The following TENM1 variants were observed in gnomAD, a reference collection of about 807,000 sequenced individuals.
TENM1 encodes the protein teneurin transmembrane protein 1.
Under a neutral mutation model 174.8 loss-of-function variants are expected in TENM1, and 35 were observed. That is an observed-to-expected ratio of 0.20 (90% confidence interval 0.15 to 0.27). The LOEUF (loss-of-function observed/expected upper bound fraction) is 0.27, where lower values mean the gene tolerates loss of function less well. Ranked by LOEUF, TENM1 falls within the 10% of genes least tolerant of loss-of-function variation. TENM1 has a pLI of 1.00. For synonymous variants in TENM1, 781 were observed against 798.7 expected (o/e 0.98, Z 0.37); for missense variants, 1,633 against 2,130.1 (o/e 0.77, Z 4.59).
chrX:125,019,567 T>C, the TENM1 span, among the ~76,000 whole-genome samples: 1 of 111,240 alleles, frequency 9.0e-6, no homozygotes, highest in Non-Finnish European at 1.9e-5. Flanking sequence ...GTTGTGGATA[T>C]TAATTATTAT....
chrX:124,969,742 G>C, the TENM1 span, among the ~76,000 whole-genome samples: 37,055 of 108,789 alleles, frequency 0.34, 4,635 homozygotes, highest in Admixed American at 0.44. Flanking sequence ...CCAATGGCCC[G>C]ACTCTTAACC....
At chrX:125,164,597 G>C in the TENM1 span, among the ~76,000 whole-genome samples, 1 of 112,064 alleles carries the variant, frequency 8.9e-6, no homozygotes, top group Non-Finnish European at 1.9e-5. Flanking sequence ...GCACCTGGCA[G>C]AGCACCTAGC....
At chrX:124,696,374 T>C (rs185996504) in intron 5 of TENM1, among the ~76,000 whole-genome samples, 1 of 112,039 alleles carries the variant, frequency 8.9e-6, no homozygotes, top group East Asian at 2.8e-4. Context: ...CAAAAACCAG[T>C]GAACTATTTG....
chrX:125,177,475 A>G, the TENM1 span, among the ~76,000 whole-genome samples: 11 of 112,560 alleles, frequency 9.8e-5, no homozygotes, highest in African/African-American at 3.5e-4. Flanking sequence ...ATGGGATTAT[A>G]TTGTCCCTTT....
the TENM1 span, among the ~76,000 whole-genome samples, chrX:125,191,965 A>G: frequency 9.2e-6 from 1 of 109,126 alleles, no homozygotes; most frequent in African/African-American, 3.3e-5. Context: ...TGGCCCTTTC[A>G]ACTTCCACCA....
chrX:125,138,080 A>T, the TENM1 span, among the ~76,000 whole-genome samples: 1 of 110,809 alleles, frequency 9.0e-6, no homozygotes, highest in Admixed American at 9.7e-5. Flanking sequence ...CCTCCCCTAT[A>T]GGTCTTCTCA....
the TENM1 span, among the ~76,000 whole-genome samples, chrX:125,068,501 CA>C: frequency 9.0e-6 from 1 of 111,638 alleles, no homozygotes; most frequent in Non-Finnish European, 1.9e-5. Context: ...GATATTTATA[CA>C]TTAATTTTTC....
chrX:124,442,076 AT>A lies in TENM1; in HGVS notation c.4104+11260del, dbSNP rs1269568536. On this transcript the variant is annotated intron_variant, in intron 23 of 31. Coordinates refer to ENST00000422452, the Ensembl canonical transcript of TENM1. The stretch of plus-strand genomic sequence containing the variant: ...ATGTGTTTTCAAATATTTCAGATAT[AT>A]AGCTTTCATCGTCCCTGTCTTGCTG... Among the ~76,000 whole-genome samples the A allele has an allele frequency of 3.1e-4, 35 of 112,016 alleles. 2 individuals carry two copies. The highest frequency in any genetic ancestry group is 2.6e-3 in the Admixed American group (27 of 10,583).
At chrX:124,828,759 C>T (rs2056224082) in intron 3 of TENM1, among the ~76,000 whole-genome samples, 1 of 111,551 alleles carries the variant, frequency 9.0e-6, no homozygotes, top group Non-Finnish European at 1.9e-5. Flanking sequence ...CCTGTATATG[C>T]CTGTATCTCT....
At chrX:124,828,428 A>G (rs1418064895) in intron 3 of TENM1, among the ~76,000 whole-genome samples, 2 of 112,651 alleles carry the variant, frequency 1.8e-5, no homozygotes. Flanking sequence ...AATAAAACAT[A>G]AATTTATTTT....
intron 3 of TENM1, among the ~76,000 whole-genome samples, chrX:124,740,608 C>T (rs1046518511): frequency 9.0e-6 from 1 of 111,448 alleles, no homozygotes; most frequent in African/African-American, 3.3e-5. Context: ...TGTCTTTAAA[C>T]GCTTTCACAA....
intron 18 of TENM1, among the ~76,000 whole-genome samples, chrX:124,514,049 A>G (rs1437337940): frequency 3.8e-4 from 42 of 111,796 alleles, no homozygotes; most frequent in Non-Finnish European, 1.7e-4. Flanking sequence ...AGTGATGATG[A>G]AAATGTTCTG....
chrX:124,382,181 T>A (rs916184918), intron 31 of TENM1, among the ~76,000 whole-genome samples: 7 of 111,989 alleles, frequency 6.3e-5, no homozygotes, highest in Non-Finnish European at 1.1e-4. Flanking sequence ...GATGTTCCTA[T>A]TTTTTCTCAA....
At chrX:124,616,270 T>C (rs990044860) in intron 11 of TENM1, among the ~76,000 whole-genome samples, 1 of 113,113 alleles carries the variant, frequency 8.8e-6, no homozygotes, top group East Asian at 2.8e-4. Flanking sequence ...AAGAAGATGC[T>C]GAACATCTCT....
the TENM1 span, among the ~76,000 whole-genome samples, chrX:125,122,311 A>G: frequency 9.0e-6 from 1 of 111,454 alleles, no homozygotes; most frequent in Non-Finnish European, 1.9e-5. Context: ...GTCATGTTAA[A>G]CACCCATATC....
At chrX:125,025,389 TA>T in the TENM1 span, among the ~76,000 whole-genome samples, 3 of 111,622 alleles carry the variant, frequency 2.7e-5, no homozygotes, top group African/African-American at 9.8e-5. Flanking sequence ...TCTTCTACTC[TA>T]AATACAAAGA....
chrX:124,880,168 A>C lies in TENM1; in HGVS notation c.535+14128T>G, dbSNP rs1423424861. Among the ~76,000 whole-genome samples, 3 of 111,776 alleles carry C rather than the reference A, an allele frequency of 2.7e-5. No individual in the cohort carries two copies. In the East Asian group the frequency reaches 8.4e-4, roughly 31 times the overall value. On this transcript the variant is annotated intron_variant, in intron 3 of 31. Transcript: ENST00000422452. ...AATTCTTCCTATTCATGAGCATCGG[A>C]TGTCTTTCCACCTGTTTGTGTCCTC...
chrX:124,868,276 A>T (rs1196122225), intron 3 of TENM1, among the ~76,000 whole-genome samples: 1 of 112,011 alleles, frequency 8.9e-6, no homozygotes, highest in Non-Finnish European at 1.9e-5. Context: ...TGGCATAAAA[A>T]CAGACAGATA....
At chrX:124,530,152 A>G (rs1412051101) in intron 15 of TENM1, among the ~76,000 whole-genome samples, 169 bp from the exon 19 acceptor site, 4 of 110,206 alleles carry the variant, frequency 3.6e-5, no homozygotes, top group African/African-American at 1.3e-4. Context: ...TTTTTTCCCC[A>G]TCAAAATTAG....
Sources: allele counts gnomAD v4.1 joint callset (sites outside exome capture counted in the v4.1 genomes callset), GRCh38; gene constraint gnomAD v4.1.1; transcripts MANE v1.5; gene names NCBI Gene and HGNC (gene_info 2026-07-23, HGNC 2026-07-21).